Variants in TMEM117 observed in about 807,000 individuals in gnomAD.
TMEM117 encodes transmembrane protein 117.
TMEM117 carries 27 observed loss-of-function variants against 52.4 expected under a neutral mutation model. That is an observed-to-expected ratio of 0.51 (90% CI 0.38 to 0.71). The LOEUF (loss-of-function observed/expected upper bound fraction) is 0.71, where lower values mean the gene tolerates loss of function less well. TMEM117 is among the 30% of genes least tolerant of loss of function. The probability of loss-of-function intolerance (pLI) is 0.00; values close to 1 mark genes in which losing one functional copy is unlikely to be tolerated. For synonymous variants in TMEM117, 215 were observed against 206.3 expected (o/e 1.04, Z -0.36); for missense variants, 556 against 630.5 (o/e 0.88, Z 1.26).
intron 3 of TMEM117, among the ~76,000 whole-genome samples, chr12:44,129,825 T>C (rs1042235363): frequency 3.9e-5 from 6 of 152,354 alleles, no homozygotes; most frequent in African/African-American, 1.4e-4. Context: ...TTTCCAAATG[T>C]GAATTGTTCA....
chr12:44,130,190 C>T (rs1948391175), intron 3 of TMEM117, among the ~76,000 whole-genome samples: 1 of 152,068 alleles, frequency 6.6e-6, no homozygotes. Context: ...AATAATCTAC[C>T]TGCATAAATG....
chr12:43,907,875 G>A (rs1430438617), intron 2 of TMEM117, among the ~76,000 whole-genome samples: 1 of 121,768 alleles, frequency 8.2e-6, no homozygotes, highest in East Asian at 2.8e-4. Flanking sequence ...TCTGATTGGT[G>A]TACCCAAAAG....
At chr12:44,256,766 G>T (rs557647625) in intron 5 of TMEM117, among the ~76,000 whole-genome samples, 2 of 151,946 alleles carry the variant, frequency 1.3e-5, no homozygotes, top group African/African-American at 4.8e-5. Flanking sequence ...TCAAAGAAAC[G>T]TTTGTTTTAA....
rs868262973 is a variant in TMEM117 at position 44,182,473 on chromosome 12, G to C, written c.511-28817G>C. ...AAACCACATGATTATCTCAATAGAT[G>C]CAGAAAAAGCCTTTGACAAAATTCA... is the stretch of plus-strand genomic sequence containing the variant. On this transcript the variant is annotated intron_variant, in intron 4 of 7. Coordinates refer to ENST00000266534, the MANE Select transcript of TMEM117 (RefSeq NM_032256.3). 2.0e-5 allele frequency among the ~76,000 whole-genome samples: 3 copies of C among 152,258 alleles called. No homozygotes were observed. The South Asian group carries it at 6.2e-4, about 32-fold the overall frequency.
intron 4 of TMEM117, among the ~76,000 whole-genome samples, chr12:44,185,428 G>A (rs746928715): frequency 3.3e-5 from 5 of 151,976 alleles, no homozygotes; most frequent in Non-Finnish European, 5.9e-5. Flanking sequence ...TTCAGATTTT[G>A]CCACCTGTTG....
intron 4 of TMEM117, 90 bp from the exon 5 acceptor site, chr12:44,211,200 G>C: frequency 6.9e-6 from 6 of 864,244 alleles, no homozygotes; most frequent in Non-Finnish European, 9.4e-6. Flanking sequence ...TACTTATTCT[G>C]TTCTCAATAG....
At chr12:44,340,171 G>A (rs1385701841) in intron 6 of TMEM117, among the ~76,000 whole-genome samples, 3 of 152,018 alleles carry the variant, frequency 2.0e-5, no homozygotes, top group South Asian at 4.2e-4. Flanking sequence ...CTGGCTAGGC[G>A]TCTGTGAAAA....
intron 1 of TMEM117, among the ~76,000 whole-genome samples, 161 bp from the exon 2 acceptor site, chr12:43,844,463 C>G (rs528609791): frequency 6.6e-6 from 1 of 152,188 alleles, no homozygotes; most frequent in Non-Finnish European, 1.5e-5. Flanking sequence ...GGACAGTATT[C>G]GCTTTCCTCA....
At chr12:44,055,093 T>C (rs1014300840) in intron 3 of TMEM117, among the ~76,000 whole-genome samples, 1 of 151,752 alleles carries the variant, frequency 6.6e-6, no homozygotes, top group South Asian at 2.1e-4. Flanking sequence ...TGATCACAAT[T>C]AAACTGTTAA....
intron 6 of TMEM117, among the ~76,000 whole-genome samples, chr12:44,331,614 T>C (rs781191996): frequency 2.6e-5 from 4 of 152,122 alleles, no homozygotes; most frequent in Non-Finnish European, 5.9e-5. Context: ...GTTGACTGTT[T>C]AGATAGCAGG....
At chr12:44,364,758 A>G (rs1362275263) in intron 6 of TMEM117, among the ~76,000 whole-genome samples, 1 of 152,140 alleles carries the variant, frequency 6.6e-6, no homozygotes, top group African/African-American at 2.4e-5. Context: ...TTACCCATAT[A>G]GATCTTCTTG....
chr12:43,936,378 G>A (rs1402452054), intron 2 of TMEM117, among the ~76,000 whole-genome samples: 1 of 152,132 alleles, frequency 6.6e-6, no homozygotes, highest in Non-Finnish European at 1.5e-5. Context: ...GCAGAGGGTA[G>A]GGATTTTGGC....
intron 3 of TMEM117, among the ~76,000 whole-genome samples, chr12:44,070,959 C>T (rs1025926008): frequency 6.6e-6 from 1 of 152,176 alleles, no homozygotes; most frequent in Non-Finnish European, 1.5e-5. Context: ...GAGGCAGATT[C>T]ATCCTTCTGG....
intron 3 of TMEM117, among the ~76,000 whole-genome samples, chr12:44,128,395 G>C (rs1227940714): frequency 6.6e-6 from 1 of 152,208 alleles, no homozygotes; most frequent in Non-Finnish European, 1.5e-5. Context: ...AGAGGGCTCT[G>C]TTGAATTGTT....
At chr12:44,084,285 GAA>G (rs1565820790) in intron 3 of TMEM117, among the ~76,000 whole-genome samples, 1 of 151,886 alleles carries the variant, frequency 6.6e-6, no homozygotes, top group Non-Finnish European at 1.5e-5. Context: ...CTTGTACTTT[GAA>G]AAGTCTTCCA....
At chr12:44,298,856 G>C (rs1176871374) in intron 5 of TMEM117, among the ~76,000 whole-genome samples, 2 of 150,656 alleles carry the variant, frequency 1.3e-5, no homozygotes, top group Admixed American at 6.6e-5. Flanking sequence ...ATGGTGATGA[G>C]TCTGGTCTAA....
intron 5 of TMEM117, among the ~76,000 whole-genome samples, chr12:44,222,316 G>C (rs530418370): frequency 1.3e-5 from 2 of 152,252 alleles, no homozygotes; most frequent in Non-Finnish European, 2.9e-5. Flanking sequence ...AGTGAATGCA[G>C]GAACTTCTGG....
In TMEM117 at chr12:44,185,839, A is replaced by T. The variant is rs544101380; in HGVS notation, c.511-25451A>T. ...ATGCTGAAGATGAAACAGTTTATATAGTTCTGCTCATTTTCAGACCTAAAA... is the reference window on the plus strand; with the variant it reads ...ATGCTGAAGATGAAACAGTTTATATTGTTCTGCTCATTTTCAGACCTAAAA... On this transcript the variant is annotated intron_variant, in intron 4 of 7. Transcript: ENST00000266534. Among the ~76,000 whole-genome samples, 3 of 151,216 alleles carry T rather than the reference A, an allele frequency of 2.0e-5. No individual in the cohort carries two copies. In the South Asian group the frequency reaches 6.3e-4, roughly 32 times the overall value.
At chr12:43,805,923 G>A in the TMEM117 span, 1 of 1,514,434 alleles carries the variant, frequency 6.6e-7, no homozygotes, top group Non-Finnish European at 8.9e-7. Context: ...GCGACTGTCG[G>A]GGACGGTGGA....
Sources: gnomAD v4.1 joint callset for allele counts (sites outside exome capture counted in the v4.1 genomes callset) on GRCh38, gnomAD v4.1.1 for gene constraint, MANE v1.5 for transcripts, NCBI Gene and HGNC (gene_info 2026-07-23, HGNC 2026-07-21) for gene names.